The following NAV2 variants were observed in gnomAD, a reference collection of about 807,000 sequenced individuals.
NAV2 encodes helicase, APC down-regulated 1.
NAV2 carries 54 observed loss-of-function variants against 223.2 expected under a neutral mutation model. The ratio of observed to expected loss-of-function variants is 0.24; its 90% CI spans 0.19 to 0.30. The LOEUF (loss-of-function observed/expected upper bound fraction) is 0.30, where lower values mean the gene tolerates loss of function less well. NAV2 is among the 10% of genes least tolerant of loss of function. The pLI is 1.00. For missense variants in NAV2, 2,806 were observed against 3,147.5 expected (o/e 0.89, Z 2.60); for synonymous variants, 1,279 against 1,239.3 (o/e 1.03, Z -0.67).
intron 29 of NAV2, among the ~76,000 whole-genome samples, 176 bp downstream of exon 29, chr11:20,093,375 T>G (rs2060994451): frequency 6.6e-6 from 1 of 152,306 alleles, no homozygotes; most frequent in East Asian, 1.9e-4. Flanking sequence ...AAGTAAAGTG[T>G]GCGAACGGCA....
At position 19,404,757 on chromosome 11, in the gene NAV2, C is replaced by G. The variant is rs377702426; in HGVS notation, c.75+53730C>G. Among the ~76,000 whole-genome samples, 8 of 152,334 alleles carry G rather than the reference C, an allele frequency of 5.3e-5. 1 individual carries two copies. In the East Asian group the frequency reaches 5.8e-4, roughly 11 times the overall value. On this transcript the variant is annotated intron_variant, in intron 1 of 37. Transcript: ENST00000360655. Reference sequence around the variant, plus strand: ...ACAACCCAAGAGCTCAGCAATTTTGCACTTTAAACATTTACTCTGATTTAT... The same window carrying G: ...ACAACCCAAGAGCTCAGCAATTTTGGACTTTAAACATTTACTCTGATTTAT...
intron 2 of NAV2, among the ~76,000 whole-genome samples, chr11:19,840,665 C>T (rs1227571599): frequency 6.6e-6 from 1 of 152,142 alleles, no homozygotes; most frequent in East Asian, 1.9e-4. Flanking sequence ...TGGAAGAGTG[C>T]CATCTGTCAA....
At chr11:19,430,209 C>T (rs564187099) in intron 1 of NAV2, among the ~76,000 whole-genome samples, 66 of 152,312 alleles carry the variant, frequency 4.3e-4, no homozygotes, top group Admixed American at 1.0e-3. Context: ...GCAGAGGCCT[C>T]TTCATGCAGC....
At chr11:20,048,594 A>G (rs1224694449) in intron 14 of NAV2, 134 bp from the exon 15 acceptor site, 1 of 722,698 alleles carries the variant, frequency 1.4e-6, no homozygotes, top group African/African-American at 1.8e-5. Context: ...AAGTACCGTT[A>G]GCCATTTCAG....
intron 4 of NAV2, among the ~76,000 whole-genome samples, chr11:19,869,598 GACA>G (rs150870101): frequency 3.9e-4 from 59 of 152,272 alleles, no homozygotes; most frequent in East Asian, 2.5e-3. Context: ...AGCCACCTCA[GACA>G]ACAAGTCAGC....
At chr11:19,530,304 G>A (rs2043989729) in intron 1 of NAV2, among the ~76,000 whole-genome samples, 1 of 152,216 alleles carries the variant, frequency 6.6e-6, no homozygotes, top group Admixed American at 6.5e-5. Context: ...AGGGTGGCAT[G>A]AAGCTCAAAG....
rs1280390893 is a variant in NAV2, at chr11:19,489,010, G to A, written c.75+137983G>A. 5.3e-5 allele frequency among the ~76,000 whole-genome samples: 8 copies of A among 152,334 alleles called. No homozygotes were observed. The East Asian group carries it at 1.5e-3, about 29-fold the overall frequency. On this transcript the variant is annotated intron_variant, in intron 1 of 37. Transcript: ENST00000360655. ...GTGACTCAAAGGACATTGGGAATCTGCTCTCAGGAGTCTACCATTCAGTCA... is the reference window on the plus strand; with the variant it reads ...GTGACTCAAAGGACATTGGGAATCTACTCTCAGGAGTCTACCATTCAGTCA...
At chr11:19,773,163 T>C (rs1379096957) in intron 1 of NAV2, among the ~76,000 whole-genome samples, 1 of 152,152 alleles carries the variant, frequency 6.6e-6, no homozygotes, top group African/African-American at 2.4e-5. Context: ...TCAGGAGATA[T>C]TTATCATGTG....
At chr11:19,852,900 C>T (rs1442933369) in intron 3 of NAV2, among the ~76,000 whole-genome samples, 10 of 152,130 alleles carry the variant, frequency 6.6e-5, no homozygotes, top group South Asian at 4.2e-4. Flanking sequence ...ATATTTTGAG[C>T]GCACTGTGTA....
chr11:19,696,459 C>A (rs1452524089), intron 1 of NAV2, among the ~76,000 whole-genome samples: 5 of 152,216 alleles, frequency 3.3e-5, no homozygotes, highest in African/African-American at 1.2e-4. Flanking sequence ...GCATGACTCT[C>A]ATTTAGTCTA....
rs7946858 is a variant in NAV2, at chr11:19,513,915, A to G, written c.75+162888A>G. On this transcript the variant is annotated intron_variant, in intron 1 of 37. Transcript: ENST00000360655. The stretch of plus-strand genomic sequence containing the variant: ...TGATGGCCACTACCAGAAGCTAGGA[A>G]GATGCAAGGAAGAATTCTACCCTGA... 9.1e-3 allele frequency among the ~76,000 whole-genome samples: 1,382 copies of G among 152,294 alleles called. 15 individuals carry two copies. The highest frequency in any genetic ancestry group is 0.031 in the African/African-American group (1,302 of 41,544).
chr11:19,703,134 TA>T, intron 1 of NAV2, among the ~76,000 whole-genome samples: 1 of 141,330 alleles, frequency 7.1e-6, no homozygotes, highest in Admixed American at 7.3e-5. Flanking sequence ...AAGAAAATAA[TA>T]TTTTTTTAAA....
intron 1 of NAV2, among the ~76,000 whole-genome samples, chr11:19,745,120 C>G (rs1473287766): frequency 2.0e-5 from 3 of 152,166 alleles, no homozygotes; most frequent in Non-Finnish European, 4.4e-5. Context: ...GAAGATGAGT[C>G]CAGTAGTCAT....
chr11:19,912,728 C>T (rs550125820), intron 6 of NAV2, among the ~76,000 whole-genome samples: 1 of 152,318 alleles, frequency 6.6e-6, no homozygotes, highest in South Asian at 2.1e-4. Context: ...TCTCTTTACA[C>T]CCAGCTAACC....
At chr11:19,722,133 A>ATCTTTAT in intron 1 of NAV2, among the ~76,000 whole-genome samples, 1 of 151,860 alleles carries the variant, frequency 6.6e-6, no homozygotes, top group Non-Finnish European at 1.5e-5. Context: ...TAAGTTCTGG[A>ATCTTTAT]CTCTTTATCT....
intron 3 of NAV2, among the ~76,000 whole-genome samples, chr11:19,860,497 A>T (rs2061695471): frequency 6.7e-6 from 1 of 149,720 alleles, no homozygotes; most frequent in African/African-American, 2.5e-5. Flanking sequence ...GGCGCTCCTC[A>T]CTTCCTAGAT....
intron 10 of NAV2, among the ~76,000 whole-genome samples, chr11:19,951,161 G>A (rs2047365782): frequency 6.6e-6 from 1 of 152,174 alleles, no homozygotes; most frequent in African/African-American, 2.4e-5. Flanking sequence ...CTACCTAGGG[G>A]CAGAGGGATT....
At chr11:19,704,871 C>A (rs923491021) in intron 1 of NAV2, among the ~76,000 whole-genome samples, 1 of 151,794 alleles carries the variant, frequency 6.6e-6, no homozygotes, top group African/African-American at 2.4e-5. Flanking sequence ...ATTAGCCGGG[C>A]GTCGTGGCGG....
intron 1 of NAV2, among the ~76,000 whole-genome samples, chr11:19,641,477 C>A (rs1051796997): frequency 6.6e-6 from 1 of 152,062 alleles, no homozygotes; most frequent in Non-Finnish European, 1.5e-5. Flanking sequence ...TCCTCCTCAG[C>A]AGCCAATGAG....
Sources: allele counts gnomAD v4.1 joint callset (sites outside exome capture counted in the v4.1 genomes callset), GRCh38; gene constraint gnomAD v4.1.1; transcripts MANE v1.5; gene names NCBI Gene and HGNC (gene_info 2026-07-23, HGNC 2026-07-21).